Variants in PRSS23 observed in about 807,000 individuals in gnomAD.
PRSS23 encodes the protein serine protease 23.
Under a neutral mutation model 34.7 loss-of-function variants are expected in PRSS23, and 25 were observed. The observed-to-expected ratio is 0.72, with a 90% CI of 0.53 to 1.01. The LOEUF (loss-of-function observed/expected upper bound fraction) is 1.01, where lower values mean the gene tolerates loss of function less well. PRSS23 is among the 50% of genes least tolerant of loss of function. The probability of loss-of-function intolerance (pLI) is 0.00; values close to 1 mark genes in which losing one functional copy is unlikely to be tolerated. For missense variants in PRSS23, 445 were observed against 475.6 expected, an observed-to-expected ratio of 0.94 and a Z score of 0.60; for synonymous variants, 176 against 186.6, an observed-to-expected ratio of 0.94 and a Z score of 0.46.
At chr11:86,845,662 G>T (rs1488513234) in intron 2 of PRSS23, among the ~76,000 whole-genome samples, 1 of 152,134 alleles carries the variant, frequency 6.6e-6, no homozygotes. Context: ...GAAGATATAT[G>T]CTTAAAATAT....
At chr11:86,928,044 T>C (rs1456426136) in intron 2 of PRSS23, among the ~76,000 whole-genome samples, 1 of 151,630 alleles carries the variant, frequency 6.6e-6, no homozygotes, top group Admixed American at 6.6e-5. Flanking sequence ...CATCATTCAG[T>C]TTTTTCATTT....
chr11:86,891,966 C>A (rs1217926367), intron 2 of PRSS23, among the ~76,000 whole-genome samples: 2 of 152,174 alleles, frequency 1.3e-5, no homozygotes, highest in Non-Finnish European at 2.9e-5. Context: ...AAACCTTTTT[C>A]CTTTATAAAT....
In PRSS23 at chr11:86,867,874, C is replaced by CAAAAAAAAAAAAAAAA. The variant is rs11352878; in HGVS notation, c.206+44283_206+44298dup. Among the ~76,000 whole-genome samples, 429 of 118,152 alleles carry CAAAAAAAAAAAAAAAA rather than the reference C, an allele frequency of 3.6e-3. 12 individuals carry two copies. The highest frequency in any genetic ancestry group is 9.4e-3 in the Middle Eastern group (2 of 212). The allele number at this position is 118,152 out of a possible 152,430, so 77.5% of individuals were successfully genotyped here. Reference sequence around the variant, plus strand: ...CCAGTGACAGAGTGAGACCCTACCTCAAAAAAAAAAAAAAAAATACAACAG... The same window carrying CAAAAAAAAAAAAAAAA: ...CCAGTGACAGAGTGAGACCCTACCTCAAAAAAAAAAAAAAAAAAAAAAAAAAAAAAAAATACAACAG... On this transcript the variant is annotated intron_variant, in intron 2 of 2. Coordinates refer to the PRSS23 transcript ENST00000533902.
At chr11:86,897,033 A>G (rs1481812836) in intron 2 of PRSS23, among the ~76,000 whole-genome samples, 1 of 152,248 alleles carries the variant, frequency 6.6e-6, no homozygotes, top group Non-Finnish European at 1.5e-5. Flanking sequence ...TTTTAAATAC[A>G]TGGCCCAATT....
At chr11:86,890,144 A>T (rs1948831701) in intron 2 of PRSS23, among the ~76,000 whole-genome samples, 1 of 152,044 alleles carries the variant, frequency 6.6e-6, no homozygotes, top group South Asian at 2.1e-4. Context: ...GGTGGTGCAC[A>T]CCTGTAATCC....
At chr11:86,907,887 C>T (rs35067227) in intron 2 of PRSS23, among the ~76,000 whole-genome samples, 62,964 of 151,860 alleles carry the variant, frequency 0.41, 13,389 homozygotes, top group East Asian at 0.56. Flanking sequence ...CTCTATTTTT[C>T]CCTACCCCCA....
At chr11:86,952,609 G>A (rs1436168183) in exon 3 of PRSS23, 18 of 872,188 alleles carry the variant, frequency 2.1e-5, no homozygotes, top group Non-Finnish European at 3.1e-5. Flanking sequence ...GAGTCTGTCT[G>A]TTTACTCTGA....
At chr11:86,825,399 G>C (rs1948291854) in intron 2 of PRSS23, among the ~76,000 whole-genome samples, 1 of 152,106 alleles carries the variant, frequency 6.6e-6, no homozygotes, top group Non-Finnish European at 1.5e-5. Flanking sequence ...CAGATGAGTA[G>C]GTTGTGAAAA....
intron 2 of PRSS23, among the ~76,000 whole-genome samples, chr11:86,900,781 C>CTCTCTCTTT (rs775258446): frequency 2.9e-4 from 27 of 94,018 alleles, no homozygotes; most frequent in African/African-American, 3.6e-4. Flanking sequence ...ATCTCTCTCT[C>CTCTCTCTTT]TTTTTTTTTT....
intron 2 of PRSS23, among the ~76,000 whole-genome samples, chr11:86,920,800 A>G (rs112531990): frequency 4.6e-5 from 7 of 152,150 alleles, no homozygotes; most frequent in African/African-American, 1.7e-4. Flanking sequence ...CTCATGTTCA[A>G]CCCACCCTGT....
chr11:86,812,514 A>G (rs1250623021), downstream of PRSS23, among the ~76,000 whole-genome samples: 1 of 152,204 alleles, frequency 6.6e-6, no homozygotes, highest in Non-Finnish European at 1.5e-5. Flanking sequence ...TTGGCCGGGC[A>G]TGGTGGCTCA....
intron 2 of PRSS23, chr11:86,833,418 G>A (rs894988742): frequency 3.4e-6 from 2 of 595,628 alleles, no homozygotes; most frequent in East Asian, 3.6e-5. Flanking sequence ...AGAGTTCTAG[G>A]AGGAGGAATT....
intron 2 of PRSS23, among the ~76,000 whole-genome samples, chr11:86,861,092 T>G (rs111638376): frequency 4.3e-4 from 66 of 151,918 alleles, no homozygotes; most frequent in African/African-American, 1.4e-3. Context: ...ATAATATTAC[T>G]CGAAATATCG....
chr11:86,875,516 C>G lies in PRSS23; in HGVS notation c.206+51923C>G, dbSNP rs548253537. Among the ~76,000 whole-genome samples, 3 of 152,298 alleles carry G rather than the reference C, an allele frequency of 2.0e-5. No individual in the cohort carries two copies. In the East Asian group the frequency reaches 5.8e-4, roughly 29 times the overall value. ...TAGGAACGCTGACTCTTTCAGAAAG[C>G]AAGAACTCAAATGTTTTGTGAGTCT... On this transcript the variant is annotated intron_variant, in intron 2 of 2. Coordinates refer to the PRSS23 transcript ENST00000533902.
At chr11:86,826,447 A>G (rs977613963) in intron 2 of PRSS23, among the ~76,000 whole-genome samples, 2 of 152,190 alleles carry the variant, frequency 1.3e-5, no homozygotes, top group African/African-American at 4.8e-5. Flanking sequence ...AACAGGGACA[A>G]TTTGACTTCT....
chr11:86,827,418 A>C (rs1948311240), intron 2 of PRSS23, among the ~76,000 whole-genome samples: 1 of 151,888 alleles, frequency 6.6e-6, no homozygotes, highest in Non-Finnish European at 1.5e-5. Flanking sequence ...CAGTCTATCA[A>C]TTTTGTTGAT....
intron 2 of PRSS23, among the ~76,000 whole-genome samples, chr11:86,827,363 C>G (rs1333973718): frequency 2.6e-5 from 4 of 151,796 alleles, no homozygotes; most frequent in East Asian, 3.9e-4. Context: ...TTTTTATTGC[C>G]TCTATTTGAT....
chr11:86,909,440 G>A (rs11234871), intron 2 of PRSS23: 76,787 of 152,176 alleles, frequency 0.5, 19,927 homozygotes, highest in East Asian at 0.59. Flanking sequence ...GAGGGCCACC[G>A]CACATCAATT....
At chr11:86,951,781 GA>G in exon 3 of PRSS23, 1 of 1,614,134 alleles carries the variant, frequency 6.2e-7, no homozygotes, top group Non-Finnish European at 8.5e-7. Flanking sequence ...AAAACCAAGT[GA>G]GTGTCAGAAT....
Sources: allele counts gnomAD v4.1 joint callset (sites outside exome capture counted in the v4.1 genomes callset), GRCh38; gene constraint gnomAD v4.1.1; transcripts MANE v1.5; gene names NCBI Gene and HGNC (gene_info 2026-07-23, HGNC 2026-07-21).